Variants in SYT1 observed in about 807,000 individuals in gnomAD.
The protein encoded by SYT1 is synaptotagmin-1.
SYT1 carries 8 observed loss-of-function variants against 44.8 expected under a neutral mutation model. That is an observed-to-expected ratio of 0.18 (90% CI 0.10 to 0.32). The LOEUF (loss-of-function observed/expected upper bound fraction) is 0.32, where lower values mean the gene tolerates loss of function less well. Ranked by LOEUF, SYT1 falls within the 10% of genes least tolerant of loss-of-function variation. SYT1 has a pLI of 1.00. For missense variants in SYT1, 286 were observed against 509.3 expected (o/e 0.56, Z 4.22); for synonymous variants, 154 against 188.8 (o/e 0.82, Z 1.51).
chr12:79,439,217 C>T (rs1457906829), intron 9 of SYT1, among the ~76,000 whole-genome samples: 2 of 152,160 alleles, frequency 1.3e-5, no homozygotes, highest in African/African-American at 2.4e-5. Context: ...ATCCTACAGC[C>T]TCAGTAATAA....
At chr12:79,083,301 G>A (rs988871512) in intron 3 of SYT1, among the ~76,000 whole-genome samples, 1 of 152,120 alleles carries the variant, frequency 6.6e-6, no homozygotes, top group Non-Finnish European at 1.5e-5. Context: ...ACTGACTGAA[G>A]TATAAATTAG....
chr12:78,963,379 CT>C (rs1463859770), intron 1 of SYT1, among the ~76,000 whole-genome samples: 3 of 152,004 alleles, frequency 2.0e-5, no homozygotes, highest in African/African-American at 7.2e-5. Flanking sequence ...CGTGAAAAGA[CT>C]ACCTACAGAA....
intron 1 of SYT1, among the ~76,000 whole-genome samples, chr12:78,970,818 A>C (rs1264150156): frequency 6.6e-6 from 1 of 152,142 alleles, no homozygotes; most frequent in African/African-American, 2.4e-5. Flanking sequence ...TTTTAATTGG[A>C]TTAATTACCC....
chr12:79,338,612 GCCTC>G (rs1202333087), intron 8 of SYT1, among the ~76,000 whole-genome samples: 10 of 129,192 alleles, frequency 7.7e-5, no homozygotes, highest in Admixed American at 1.6e-4. Flanking sequence ...ATCCCTCCCT[GCCTC>G]CCTCCCTCCC....
intron 1 of SYT1, among the ~76,000 whole-genome samples, chr12:78,970,317 A>G (rs1255373717): frequency 6.6e-6 from 1 of 152,242 alleles, no homozygotes; most frequent in Non-Finnish European, 1.5e-5. Context: ...GGACCAAGTG[A>G]GAAATAAAGA....
rs73347894 is a variant in SYT1, at chr12:78,875,001, G to A, written c.-217+9892G>A. On this transcript the variant is annotated intron_variant, in intron 1 of 10. Transcript: ENST00000261205. ...CCTTTACAAGACTTGAAGAAATTAA[G>A]CTTAGTAGAACCAAGAACAGCAAAT... 7.6e-3 allele frequency among the ~76,000 whole-genome samples: 1,154 copies of A among 151,646 alleles called. 15 individuals are homozygous for A. Among genetic ancestry groups the A allele is most frequent in the African/African-American group, 0.027 (1,107 of 41,470 alleles).
intron 1 of SYT1, among the ~76,000 whole-genome samples, chr12:78,939,304 T>G (rs755452331): frequency 1.1e-4 from 17 of 152,200 alleles, no homozygotes; most frequent in Non-Finnish European, 2.4e-4. Flanking sequence ...AAAGTCACCT[T>G]TTGAACTTGC....
intron 3 of SYT1, among the ~76,000 whole-genome samples, chr12:79,064,949 AAAGAAAGAAAGAAAGAAAG>A (rs1027169768): frequency 7.2e-6 from 1 of 138,642 alleles, no homozygotes; most frequent in South Asian, 2.5e-4. Flanking sequence ...AGAAAGAAAG[AAAGAAAGAAAGAAAGAAAG>A]AAAGAAAGAA....
At chr12:79,327,481 A>G (rs1273598088) in intron 8 of SYT1, among the ~76,000 whole-genome samples, 1 of 152,140 alleles carries the variant, frequency 6.6e-6, no homozygotes, top group East Asian at 1.9e-4. Context: ...CCCATGCCCT[A>G]TTTCCTTCTG....
At chr12:79,423,849 T>C (rs1214682485) in intron 9 of SYT1, among the ~76,000 whole-genome samples, 5 of 151,874 alleles carry the variant, frequency 3.3e-5, no homozygotes, top group Non-Finnish European at 7.4e-5. Context: ...AGTGAACACT[T>C]GTTCCTGAAA....
intron 3 of SYT1, among the ~76,000 whole-genome samples, chr12:79,105,459 A>G (rs1878662735): frequency 6.6e-6 from 1 of 152,248 alleles, no homozygotes; most frequent in Admixed American, 6.5e-5. Flanking sequence ...ATGAAACATC[A>G]GACTATTTCA....
chr12:79,389,903 T>A (rs944674014), intron 9 of SYT1, among the ~76,000 whole-genome samples: 2 of 152,144 alleles, frequency 1.3e-5, no homozygotes, highest in African/African-American at 4.8e-5. Flanking sequence ...AAAGGAATAG[T>A]CACTACTTGT....
chr12:79,426,593 C>T (rs1869463501), intron 9 of SYT1, among the ~76,000 whole-genome samples: 1 of 152,038 alleles, frequency 6.6e-6, no homozygotes, highest in Non-Finnish European at 1.5e-5. Context: ...ATGTGTCTTG[C>T]AATATTGTAT....
intron 3 of SYT1, among the ~76,000 whole-genome samples, chr12:79,138,263 G>T (rs949698151): frequency 4.6e-5 from 7 of 152,058 alleles, no homozygotes; most frequent in Non-Finnish European, 1.0e-4. Flanking sequence ...CTAAAAACTT[G>T]AGAAAGCAAC....
chr12:79,212,183 A>T (rs569560504), intron 3 of SYT1, among the ~76,000 whole-genome samples: 2 of 152,164 alleles, frequency 1.3e-5, no homozygotes, highest in African/African-American at 4.8e-5. Context: ...ATGCAGCTAT[A>T]AAAAAGAATG....
intron 3 of SYT1, among the ~76,000 whole-genome samples, chr12:79,152,320 T>G (rs1870322473): frequency 6.6e-6 from 1 of 152,052 alleles, no homozygotes; most frequent in Non-Finnish European, 1.5e-5. Flanking sequence ...GAATGGTTTT[T>G]AGGACATAGG....
At chr12:79,177,109 A>T (rs1350186045) in intron 3 of SYT1, among the ~76,000 whole-genome samples, 2 of 130,094 alleles carry the variant, frequency 1.5e-5, no homozygotes, top group African/African-American at 6.0e-5. Context: ...GGTTAGTTAC[A>T]TATGTATACA....
At chr12:79,179,538 GATATAGAGATATA>G (rs1872369589) in intron 3 of SYT1, among the ~76,000 whole-genome samples, 1 of 30,102 alleles carries the variant, frequency 3.3e-5, no homozygotes, top group Non-Finnish European at 8.2e-5. Flanking sequence ...TATAGATATA[GATATAGAGATATA>G]GATATAGATT....
intron 3 of SYT1, among the ~76,000 whole-genome samples, chr12:79,136,069 T>A (rs1317736149): frequency 6.6e-6 from 1 of 152,192 alleles, no homozygotes; most frequent in African/African-American, 2.4e-5. Flanking sequence ...AGCTTAGAAG[T>A]TTAGATTGGA....
Sources: allele counts gnomAD v4.1 joint callset (sites outside exome capture counted in the v4.1 genomes callset), GRCh38; gene constraint gnomAD v4.1.1; transcripts MANE v1.5; gene names NCBI Gene and HGNC (gene_info 2026-07-23, HGNC 2026-07-21).